GPC6: variants seen among roughly 807,000 people sequenced by gnomAD.
GPC6 encodes the protein glypican-6.
Under a neutral mutation model 55.2 loss-of-function variants are expected in GPC6, and 14 were observed. The observed-to-expected ratio is 0.25, with a 90% CI of 0.17 to 0.40. The LOEUF is 0.40. GPC6 is among the 10% of genes least tolerant of loss of function. GPC6 has a pLI of 1.00. For missense variants in GPC6, 641 were observed against 708.5 expected, an observed-to-expected ratio of 0.90 and a Z score of 1.08; for synonymous variants, 278 against 259.6, an observed-to-expected ratio of 1.07 and a Z score of -0.68.
intron 3 of GPC6, among the ~76,000 whole-genome samples, chr13:93,990,212 G>T (rs142101322): frequency 6.6e-6 from 1 of 151,418 alleles, no homozygotes. Flanking sequence ...ATGTTATTCA[G>T]ATCAAAACAT....
chr13:93,439,822 C>T (rs957793458), intron 1 of GPC6, among the ~76,000 whole-genome samples: 45 of 152,128 alleles, frequency 3.0e-4, no homozygotes, highest in African/African-American at 7.5e-4. Context: ...TCCTCTTCTA[C>T]GCATCTTGTT....
chr13:93,884,401 T>C (rs912832616), intron 3 of GPC6, among the ~76,000 whole-genome samples: 5 of 152,124 alleles, frequency 3.3e-5, no homozygotes, highest in Admixed American at 1.3e-4. Context: ...CTTCAAATCA[T>C]AGATATTTGT....
intron 6 of GPC6, among the ~76,000 whole-genome samples, chr13:94,326,847 GC>G (rs1256341739): frequency 6.6e-6 from 1 of 152,210 alleles, no homozygotes; most frequent in Non-Finnish European, 1.5e-5. Flanking sequence ...TTTCCAGCTT[GC>G]AAACACGGGC....
intron 4 of GPC6, among the ~76,000 whole-genome samples, chr13:94,074,928 C>T (rs11840081): frequency 0.049 from 7,432 of 152,214 alleles, 614 homozygotes; most frequent in African/African-American, 0.17. Context: ...TAACCTCTTT[C>T]CAGAACTGAG....
chr13:93,626,941 G>A (rs111288447), intron 2 of GPC6, among the ~76,000 whole-genome samples: 336 of 152,248 alleles, frequency 2.2e-3, no homozygotes, highest in African/African-American at 7.9e-3. Flanking sequence ...AGGCAAAGGG[G>A]GAAGCGGGCA....
Position 93,496,328 on chromosome 13 carries a change from A to G in GPC6, c.161-48935A>G, listed in dbSNP as rs1042670387. ...CCCCTTTCTTTGACTCGGAAAAGGA[A>G]CTCCCTGACCCCTTGCGCTTCCCAA... On this transcript the variant is annotated intron_variant, in intron 1 of 8. Coordinates refer to ENST00000377047, the MANE Select transcript of GPC6 (RefSeq NM_005708.5). 4.0e-5 allele frequency among the ~76,000 whole-genome samples: 6 copies of G among 150,192 alleles called. 1 individual carries two copies. The highest frequency in any genetic ancestry group is 6.8e-3 in the Middle Eastern group (2 of 294).
chr13:94,078,357 A>G (rs964143572), intron 4 of GPC6, among the ~76,000 whole-genome samples: 2 of 151,912 alleles, frequency 1.3e-5, no homozygotes, highest in Non-Finnish European at 2.9e-5. Context: ...GAACCTAGAA[A>G]AAGAACAAAC....
intron 1 of GPC6, among the ~76,000 whole-genome samples, chr13:93,415,893 A>T (rs1430021768): frequency 1.3e-5 from 2 of 152,070 alleles, no homozygotes; most frequent in East Asian, 3.9e-4. Flanking sequence ...TTGGAGGGTG[A>T]TGAAGTTCAA....
chr13:93,229,357 T>G (rs1383958180), intron 1 of GPC6, among the ~76,000 whole-genome samples: 1 of 152,166 alleles, frequency 6.6e-6, no homozygotes, highest in Non-Finnish European at 1.5e-5. Flanking sequence ...TCAAACGGTA[T>G]CTTTTAAGCA....
intron 1 of GPC6, among the ~76,000 whole-genome samples, chr13:93,231,378 T>G (rs1439295213): frequency 1.0e-4 from 2 of 20,068 alleles, no homozygotes; most frequent in African/African-American, 4.9e-4. Flanking sequence ...TATATATATA[T>G]ACATATATAT....
chr13:93,918,634 C>G (rs909224280), intron 3 of GPC6, among the ~76,000 whole-genome samples: 2 of 152,162 alleles, frequency 1.3e-5, no homozygotes, highest in Non-Finnish European at 1.5e-5. Flanking sequence ...ACCGATGGCC[C>G]TCTCAGAAAC....
intron 4 of GPC6, among the ~76,000 whole-genome samples, chr13:94,048,668 G>A (rs1348638773): frequency 1.3e-5 from 2 of 151,926 alleles, no homozygotes; most frequent in Admixed American, 6.6e-5. Context: ...ACTTAGTAGG[G>A]GACAAGAAAA....
chr13:93,580,068 C>G (rs1056814271), intron 2 of GPC6, among the ~76,000 whole-genome samples: 2 of 152,180 alleles, frequency 1.3e-5, no homozygotes, highest in African/African-American at 4.8e-5. Context: ...ACTGGGTGGT[C>G]TGTAAACAAC....
chr13:93,828,568 C>G (rs1405691713), intron 2 of GPC6, among the ~76,000 whole-genome samples: 1 of 151,880 alleles, frequency 6.6e-6, no homozygotes, highest in Non-Finnish European at 1.5e-5. Context: ...TTACCGAATC[C>G]CTAAAGATTC....
intron 4 of GPC6, among the ~76,000 whole-genome samples, chr13:94,109,556 A>C (rs1473017404): frequency 6.6e-6 from 1 of 152,174 alleles, no homozygotes; most frequent in African/African-American, 2.4e-5. Context: ...AATGAGAAGA[A>C]AAACAAACGT....
intron 2 of GPC6, among the ~76,000 whole-genome samples, chr13:93,590,849 G>GCTGATGCT (rs1566439093): frequency 6.6e-6 from 1 of 151,944 alleles, no homozygotes; most frequent in African/African-American, 2.4e-5. Flanking sequence ...TTCATGAAAC[G>GCTGATGCT]CTGATGCTTA....
chr13:94,100,057 T>C (rs1885800658), intron 4 of GPC6, among the ~76,000 whole-genome samples: 3 of 152,152 alleles, frequency 2.0e-5, no homozygotes. Context: ...CATGAGTACA[T>C]GGGTTTACCT....
At chr13:94,358,391 A>AT (rs551698151) in intron 6 of GPC6, among the ~76,000 whole-genome samples, 241 of 152,216 alleles carry the variant, frequency 1.6e-3, no homozygotes, top group Middle Eastern at 3.4e-3. Context: ...ATAAAGACAG[A>AT]TTTTTTTTAA....
intron 2 of GPC6, among the ~76,000 whole-genome samples, chr13:93,676,499 A>G (rs911254260): frequency 2.6e-5 from 4 of 152,028 alleles, no homozygotes; most frequent in African/African-American, 7.2e-5. Context: ...CAAATGTGTA[A>G]GAGAGCTTGT....
Sources: gnomAD v4.1 joint callset for allele counts (sites outside exome capture counted in the v4.1 genomes callset) on GRCh38, gnomAD v4.1.1 for gene constraint, MANE v1.5 for transcripts, NCBI Gene and HGNC (gene_info 2026-07-23, HGNC 2026-07-21) for gene names.